SPAG16: variants seen among roughly 807,000 people sequenced by gnomAD.
SPAG16 encodes sperm-associated antigen 16 protein.
Under a neutral mutation model 80.4 loss-of-function variants are expected in SPAG16, and 86 were observed. That is an observed-to-expected ratio of 1.07 (90% CI 0.90 to 1.28). The LOEUF (loss-of-function observed/expected upper bound fraction) is 1.28. Among genes scored for constraint, SPAG16 ranks in the 50% most tolerant of loss-of-function variants. The pLI is 0.00. For synonymous variants in SPAG16, 294 were observed against 265.9 expected, an observed-to-expected ratio of 1.11 and a Z score of -1.03; for missense variants, 870 against 765.3, an observed-to-expected ratio of 1.14 and a Z score of -1.61.
At chr2:213,831,371 T>G (rs1449137183) in intron 10 of SPAG16, among the ~76,000 whole-genome samples, 1 of 151,454 alleles carries the variant, frequency 6.6e-6, no homozygotes, top group Non-Finnish European at 1.5e-5. Context: ...TTGCAGCTGA[T>G]ATTTCTCCCT....
intron 11 of SPAG16, among the ~76,000 whole-genome samples, chr2:213,872,681 C>T (rs10186714): frequency 0.59 from 90,340 of 151,840 alleles, 28,735 homozygotes; most frequent in South Asian, 0.85. Context: ...TTAGGTAAAA[C>T]GTGATCAGTC....
At chr2:213,788,263 A>G (rs1431914558) in intron 10 of SPAG16, among the ~76,000 whole-genome samples, 6 of 151,974 alleles carry the variant, frequency 3.9e-5, no homozygotes, top group Admixed American at 6.6e-5. Flanking sequence ...TATATAGTCA[A>G]TATAAGTATT....
intron 15 of SPAG16, among the ~76,000 whole-genome samples, chr2:214,303,614 G>A (rs992688179): frequency 6.6e-6 from 1 of 152,066 alleles, no homozygotes; most frequent in Non-Finnish European, 1.5e-5. Flanking sequence ...TGTTCAACTT[G>A]TATAGTATCT....
chr2:214,054,724 A>G (rs2049844643), intron 13 of SPAG16, among the ~76,000 whole-genome samples: 1 of 152,306 alleles, frequency 6.6e-6, no homozygotes, highest in East Asian at 1.9e-4. Flanking sequence ...CTCTGCTTAT[A>G]TAGTTACATA....
intron 10 of SPAG16, among the ~76,000 whole-genome samples, chr2:213,741,016 A>G (rs188640928): frequency 6.6e-6 from 1 of 152,322 alleles, no homozygotes; most frequent in East Asian, 1.9e-4. Flanking sequence ...TAGGGCTAAA[A>G]CAGCAGGTGC....
intron 9 of SPAG16, among the ~76,000 whole-genome samples, chr2:213,421,777 C>T (rs1305450035): frequency 6.6e-6 from 1 of 152,146 alleles, no homozygotes; most frequent in Non-Finnish European, 1.5e-5. Context: ...CTCATTCAGA[C>T]AACCTGCCTG....
chr2:213,957,338 C>A (rs915777434), intron 12 of SPAG16, among the ~76,000 whole-genome samples: 1 of 152,056 alleles, frequency 6.6e-6, no homozygotes, highest in East Asian at 1.9e-4. Flanking sequence ...TATCTTCTTG[C>A]AATATTGAAA....
chr2:213,973,710 T>TG (rs1334925897), intron 12 of SPAG16, among the ~76,000 whole-genome samples: 1 of 151,924 alleles, frequency 6.6e-6, no homozygotes, highest in Admixed American at 6.6e-5. Context: ...CTGACAAAGT[T>TG]GGTTTTGACA....
chr2:214,397,852 G>T (rs1414809307), intron 15 of SPAG16, among the ~76,000 whole-genome samples: 1 of 152,160 alleles, frequency 6.6e-6, no homozygotes, highest in Non-Finnish European at 1.5e-5. Flanking sequence ...ATCTGAAGTA[G>T]AATTTTTTTA....
chr2:213,367,815 G>T (rs1303415605), intron 8 of SPAG16, among the ~76,000 whole-genome samples: 8 of 144,486 alleles, frequency 5.5e-5, no homozygotes, highest in African/African-American at 2.0e-4. Context: ...GTCAATTTTG[G>T]CTTTTGTTGC....
At chr2:214,122,365 C>T (rs2054263298) in intron 14 of SPAG16, among the ~76,000 whole-genome samples, 2 of 151,754 alleles carry the variant, frequency 1.3e-5, no homozygotes, top group South Asian at 4.1e-4. Context: ...AGGTTAATTG[C>T]TTTTCCTAAG....
At chr2:213,879,188 A>G in intron 11 of SPAG16, among the ~76,000 whole-genome samples, 1 of 151,962 alleles carries the variant, frequency 6.6e-6, no homozygotes, top group East Asian at 1.9e-4. Flanking sequence ...TCTGTGAAAA[A>G]TGACATTGGT....
chr2:213,830,245 A>G (rs1430990262), intron 10 of SPAG16, among the ~76,000 whole-genome samples: 1 of 152,112 alleles, frequency 6.6e-6, no homozygotes, highest in Non-Finnish European at 1.5e-5. Context: ...ATGGACATCA[A>G]CTGAGTTCTT....
chr2:213,495,874 G>A (rs1018211200), intron 10 of SPAG16, among the ~76,000 whole-genome samples: 18 of 152,138 alleles, frequency 1.2e-4, no homozygotes, highest in African/African-American at 3.4e-4. Context: ...CAAGGGGTCC[G>A]GCATGGACAG....
intron 11 of SPAG16, among the ~76,000 whole-genome samples, chr2:213,912,157 G>A (rs1357591021): frequency 6.6e-6 from 1 of 152,036 alleles, no homozygotes; most frequent in African/African-American, 2.4e-5. Flanking sequence ...TCTCTTTGCT[G>A]CAAAATGGGT....
intron 12 of SPAG16, among the ~76,000 whole-genome samples, chr2:214,012,288 A>ATATATTTTTTTTTT (rs1553694500): frequency 2.1e-5 from 1 of 46,804 alleles, no homozygotes; most frequent in African/African-American, 1.2e-4. Flanking sequence ...ATATATATAT[A>ATATATTTTTTTTTT]TTTTTTTTTT....
At chr2:213,555,068 A>G (rs2125960704) in intron 10 of SPAG16, among the ~76,000 whole-genome samples, 1 of 152,276 alleles carries the variant, frequency 6.6e-6, no homozygotes, top group South Asian at 2.1e-4. Flanking sequence ...AAACAAATAA[A>G]AAGAGGGGAC....
At chr2:213,580,055 CTTCG>C (rs1419216434) in intron 10 of SPAG16, among the ~76,000 whole-genome samples, 2 of 152,054 alleles carry the variant, frequency 1.3e-5, no homozygotes, top group Non-Finnish European at 2.9e-5. Context: ...TTCCCCCCAA[CTTCG>C]TTCCCCCTGA....
intron 15 of SPAG16, among the ~76,000 whole-genome samples, chr2:214,302,321 C>T (rs555975268): frequency 6.6e-6 from 1 of 152,038 alleles, no homozygotes; most frequent in Non-Finnish European, 1.5e-5. Flanking sequence ...AGTTTAAGTC[C>T]AAAGTTTCTT....
Sources: allele counts gnomAD v4.1 joint callset (sites outside exome capture counted in the v4.1 genomes callset), GRCh38; gene constraint gnomAD v4.1.1; transcripts MANE v1.5; gene names NCBI Gene and HGNC (gene_info 2026-07-23, HGNC 2026-07-21).